BMPER: variants seen among roughly 807,000 people sequenced by gnomAD.
BMPER encodes BMP binding endothelial regulator.
A neutral mutation model predicts 87.3 loss-of-function variants in BMPER; 45 were observed. That is an observed-to-expected ratio of 0.52 (90% confidence interval 0.41 to 0.66). The LOEUF is 0.66. Among genes scored for constraint, BMPER ranks in the 30% least tolerant of loss-of-function variants. The pLI, the probability that BMPER is intolerant of heterozygous loss-of-function variation, is 0.00. For missense variants in BMPER, 784 were observed against 867.5 expected (o/e 0.90, Z 1.21); for synonymous variants, 326 against 316.2 (o/e 1.03, Z -0.33).
At chr7:34,126,498 C>T (rs1206106704) in intron 13 of BMPER, among the ~76,000 whole-genome samples, 1 of 152,184 alleles carries the variant, frequency 6.6e-6, no homozygotes, top group East Asian at 1.9e-4. Flanking sequence ...TGTTCCCCTA[C>T]ACATTATTAT....
intron 6 of BMPER, among the ~76,000 whole-genome samples, chr7:34,042,175 G>A (rs762240876): frequency 4.6e-4 from 70 of 152,032 alleles, no homozygotes; most frequent in Non-Finnish European, 8.7e-4. Context: ...ATAAAGGAGC[G>A]GAAATAGACT....
chr7:34,098,664 C>T (rs1357358179), intron 13 of BMPER, among the ~76,000 whole-genome samples: 1 of 152,122 alleles, frequency 6.6e-6, no homozygotes, highest in Non-Finnish European at 1.5e-5. Context: ...TGCATTTGAA[C>T]TGCTGAAAGA....
chr7:34,083,987 CA>C (rs984172531), intron 12 of BMPER, among the ~76,000 whole-genome samples: 5 of 128,206 alleles, frequency 3.9e-5, no homozygotes, highest in Admixed American at 1.7e-4. Context: ...GTCAGGATCA[CA>C]AGAGGAAAGA....
chr7:33,975,463 A>G (rs1785662663), intron 6 of BMPER, among the ~76,000 whole-genome samples: 1 of 152,122 alleles, frequency 6.6e-6, no homozygotes, highest in Non-Finnish European at 1.5e-5. Context: ...GCCATATACT[A>G]ACGATCTCTC....
chr7:33,926,595 T>A (rs189776699), intron 2 of BMPER, among the ~76,000 whole-genome samples: 31 of 152,346 alleles, frequency 2.0e-4, no homozygotes, highest in African/African-American at 7.2e-4. Context: ...TGGACACTAG[T>A]GGATTAAAAT....
intron 12 of BMPER, among the ~76,000 whole-genome samples, chr7:34,083,420 CT>C (rs1466398876): frequency 4.6e-5 from 7 of 152,152 alleles, no homozygotes; most frequent in Non-Finnish European, 1.0e-4. Flanking sequence ...TGTTTAATTT[CT>C]TTTCTGAACT....
At chr7:34,013,296 C>G (rs1453420067) in intron 6 of BMPER, among the ~76,000 whole-genome samples, 2 of 151,636 alleles carry the variant, frequency 1.3e-5, no homozygotes, top group African/African-American at 4.8e-5. Context: ...TGTCCTGTCC[C>G]CCACTCACTG....
chr7:34,129,532 G>A (rs1274980514), intron 13 of BMPER, among the ~76,000 whole-genome samples: 2 of 146,330 alleles, frequency 1.4e-5, no homozygotes, highest in African/African-American at 5.1e-5. Flanking sequence ...GCGAGACGCT[G>A]TCTCAAAAAA....
At position 34,149,176 on chromosome 7, in the gene BMPER, C is replaced by G. The variant is rs542130377; in HGVS notation, c.1877-3916C>G. ...CTGCGGGTACTTGTCACAGTGACCC[C>G]CAGAAACTTTAAAATCAACAGCTGC... On this transcript the variant is annotated intron_variant, in intron 14 of 14. Transcript: ENST00000649409. Among the ~76,000 whole-genome samples the G allele has an allele frequency of 1.7e-3, 252 of 152,130 alleles. 1 individual carries two copies. Among genetic ancestry groups the G allele is most frequent in the African/African-American group, 5.9e-3 (244 of 41,478 alleles).
intron 13 of BMPER, among the ~76,000 whole-genome samples, chr7:34,129,368 G>A (rs1790487780): frequency 6.6e-6 from 1 of 151,636 alleles, no homozygotes; most frequent in Non-Finnish European, 1.5e-5. Context: ...CAGGTGTGTT[G>A]GTGCACACTT....
At chr7:34,105,859 C>G (rs1398424069) in intron 13 of BMPER, among the ~76,000 whole-genome samples, 3 of 152,158 alleles carry the variant, frequency 2.0e-5, no homozygotes, top group Admixed American at 6.5e-5. Context: ...GGGAATGGAA[C>G]AATCAGATTT....
chr7:34,151,665 C>T (rs143025975), intron 14 of BMPER, among the ~76,000 whole-genome samples: 1 of 152,316 alleles, frequency 6.6e-6, no homozygotes, highest in Non-Finnish European at 1.5e-5. Flanking sequence ...ATCCCCAAAG[C>T]ATCTGGTACA....
chr7:33,933,868 G>T (rs1784537800), intron 2 of BMPER, among the ~76,000 whole-genome samples: 1 of 152,152 alleles, frequency 6.6e-6, no homozygotes, highest in Non-Finnish European at 1.5e-5. Context: ...TGTGTCTTGG[G>T]TGACCCTGGG....
intron 5 of BMPER, among the ~76,000 whole-genome samples, chr7:33,973,629 C>T (rs924847487): frequency 6.6e-6 from 1 of 152,230 alleles, no homozygotes; most frequent in Non-Finnish European, 1.5e-5. Flanking sequence ...GTGGGTTCTG[C>T]AGATGGCTTT....
chr7:33,922,151 G>A (rs1032848250), intron 2 of BMPER: 6 of 226,398 alleles, frequency 2.7e-5, no homozygotes, highest in Non-Finnish European at 5.5e-5. Context: ...CAGAATTCTG[G>A]TCATGTTGCT....
At chr7:34,045,639 CAG>C (rs985312545) in intron 6 of BMPER, among the ~76,000 whole-genome samples, 2 of 152,148 alleles carry the variant, frequency 1.3e-5, no homozygotes, top group African/African-American at 4.8e-5. Context: ...TTAGTGAAAA[CAG>C]ATTTGGATAG....
intron 6 of BMPER, among the ~76,000 whole-genome samples, chr7:34,013,025 A>G (rs1034389730): frequency 8.6e-5 from 13 of 151,870 alleles, no homozygotes; most frequent in African/African-American, 3.1e-4. Flanking sequence ...TCAGCCCAGA[A>G]ACCCTGGCTC....
rs1254060471 is a variant in BMPER, at chr7:34,078,948, G to C, written c.1170G>C (p.Leu390Phe). Residue 390 changes from leucine (L) to phenylalanine (F), a missense_variant, in exon 12 of 15, where the codon TTG (leucine) becomes TTC (phenylalanine). Physicochemically the swap from Leu to Phe is conservative, Grantham distance 22. Coordinates refer to ENST00000649409, the MANE Select transcript of BMPER (RefSeq NM_001365308.1). ...TTCAGGGGACGTGTCAGTACGTTTT[G>C]ACAAAAGACTGCTCCTCCCCTGCCT... ...FNFQGTCQYV[L>F]TKDCSSPASP... The C allele has an allele frequency of 6.2e-7, 1 of 1,614,188 alleles. No homozygotes were observed. The highest frequency in any genetic ancestry group is 1.7e-5 in the Admixed American group (1 of 60,026).
chr7:33,949,419 C>T (rs1463415453), intron 3 of BMPER, among the ~76,000 whole-genome samples: 1 of 151,858 alleles, frequency 6.6e-6, no homozygotes, highest in Non-Finnish European at 1.5e-5. Context: ...CCTCTGCATA[C>T]TCTCTCTCTC....
Sources: gnomAD v4.1 joint callset for allele counts (sites outside exome capture counted in the v4.1 genomes callset) on GRCh38, gnomAD v4.1.1 for gene constraint, MANE v1.5 for transcripts, NCBI Gene and HGNC (gene_info 2026-07-23, HGNC 2026-07-21) for gene names.